Variants in PIGB observed in about 807,000 individuals in gnomAD.
PIGB encodes GPI alpha-1,2-mannosyltransferase 3.
In PIGB, 58 loss-of-function variants were observed where a neutral mutation model predicts 68.4. That is an observed-to-expected ratio of 0.85 (90% CI 0.69 to 1.06). PIGB has a LOEUF of 1.06. PIGB is among the 50% of genes least tolerant of loss of function. PIGB has a pLI of 0.00. For synonymous variants in PIGB, 219 were observed against 220.5 expected, an observed-to-expected ratio of 0.99 and a Z score of 0.06; for missense variants, 634 against 655.8, an observed-to-expected ratio of 0.97 and a Z score of 0.36.
At chr15:55,327,684 T>C (rs1314588788) in intron 4 of PIGB, 49 bp downstream of exon 4, 2 of 1,084,584 alleles carry the variant, frequency 1.8e-6, no homozygotes, top group Non-Finnish European at 2.8e-6. Flanking sequence ...TTCGTTCCTA[T>C]GGGTATAAAG....
At chr15:55,341,234 G>T (rs1317969088) in intron 8 of PIGB, among the ~76,000 whole-genome samples, 1 of 152,132 alleles carries the variant, frequency 6.6e-6, no homozygotes, top group Non-Finnish European at 1.5e-5. Flanking sequence ...GATGGCATGT[G>T]CCTGTAGTCC....
intron 9 of PIGB, chr15:55,348,408 T>C (rs576808325): frequency 6.6e-6 from 1 of 152,464 alleles, no homozygotes; most frequent in South Asian, 2.1e-4. Context: ...TGCTGTAGTT[T>C]GGACGTTTGT....
intron 9 of PIGB, among the ~76,000 whole-genome samples, chr15:55,343,838 T>C (rs1216874406): frequency 6.6e-6 from 1 of 152,166 alleles, no homozygotes; most frequent in Non-Finnish European, 1.5e-5. Context: ...GTCAAAAAAC[T>C]CTAATTCCTA....
At chr15:55,323,980 C>T (rs1024948346) in intron 3 of PIGB, among the ~76,000 whole-genome samples, 3 of 152,284 alleles carry the variant, frequency 2.0e-5, no homozygotes, top group South Asian at 2.1e-4. Flanking sequence ...TGCCGCCTCC[C>T]GGGTTCAAGT....
intron 8 of PIGB, 84 bp from the exon 9 acceptor site, chr15:55,341,654 A>G (rs1162437263): frequency 8.8e-6 from 4 of 454,980 alleles, no homozygotes; most frequent in Admixed American, 4.3e-5. Flanking sequence ...AGTTAAATAT[A>G]TTTTATATTA....
rs576816826 is a variant in PIGB, at chr15:55,332,004, GTCTC to G, written c.654-1857_654-1854del. Among the ~76,000 whole-genome samples the G allele has an allele frequency of 1.9e-4, 28 of 151,250 alleles. No individual in the cohort carries two copies. The South Asian group carries it at 2.7e-3, about 15-fold the overall frequency. ...TTTTATTTTTTTTTTTCGAGACAGT[GTCTC>G]TCTCTGTCGCCCAGGCTGGAGTACA... On this transcript the variant is annotated intron_variant, in intron 5 of 11. Coordinates refer to ENST00000164305, the MANE Select transcript of PIGB (RefSeq NM_004855.5).
At chr15:55,331,143 A>G (rs2055403831) in intron 5 of PIGB, among the ~76,000 whole-genome samples, 1 of 152,154 alleles carries the variant, frequency 6.6e-6, no homozygotes. Context: ...TGTTTTTGCT[A>G]GCAATTACCC....
Position 55,336,018 on chromosome 15 carries a change from CTCAAAG to C in PIGB, c.794+2020_794+2025del, listed in dbSNP as rs200775730. Among the ~76,000 whole-genome samples, 1,193 of 137,836 alleles carry C rather than the reference CTCAAAG, an allele frequency of 8.7e-3. 11 individuals carry two copies. The highest frequency in any genetic ancestry group is 0.034 in the African/African-American group (1,127 of 33,392). The allele number at this position is 137,836 out of a possible 152,430, so 90.4% of individuals were successfully genotyped here. On this transcript the variant is annotated intron_variant, in intron 6 of 11. Coordinates refer to ENST00000164305, the MANE Select transcript of PIGB (RefSeq NM_004855.5). ...AAGTGAGTAAGATACAGTGTCTGCTCTCAAAGTCAAAGTCTGTGGGGGAAAAAGATA... is the reference window on the plus strand; with the variant it reads ...AAGTGAGTAAGATACAGTGTCTGCTCTCAAAGTCTGTGGGGGAAAAAGATA...
At chr15:55,322,538 C>T (rs8026689) in intron 3 of PIGB, among the ~76,000 whole-genome samples, 74,124 of 151,868 alleles carry the variant, frequency 0.49, 21,439 homozygotes, top group African/African-American at 0.79. Flanking sequence ...GTTTGTGCTC[C>T]CCCCGATTTC....
At chr15:55,339,380 C>T in intron 7 of PIGB, 62 bp downstream of exon 7, 1 of 1,060,438 alleles carries the variant, frequency 9.4e-7, no homozygotes, top group Non-Finnish European at 1.4e-6. Flanking sequence ...TACTTTAGAA[C>T]AGAGGCAAAT....
intron 9 of PIGB, among the ~76,000 whole-genome samples, chr15:55,345,526 AG>A (rs1233957162): frequency 6.6e-6 from 1 of 152,180 alleles, no homozygotes; most frequent in East Asian, 1.9e-4. Context: ...TGGGAGGCTG[AG>A]GTGGGTGGAT....
intron 10 of PIGB, chr15:55,351,889 A>C (rs2055932130): frequency 1.3e-5 from 2 of 150,718 alleles, no homozygotes; most frequent in Non-Finnish European, 2.9e-5. Context: ...AAAAAAAAAA[A>C]AAAACATGGA....
At chr15:55,346,140 G>A (rs2055789194) in intron 9 of PIGB, among the ~76,000 whole-genome samples, 2 of 152,150 alleles carry the variant, frequency 1.3e-5, no homozygotes, top group Admixed American at 6.5e-5. Context: ...AATACAGAAT[G>A]CCACGCTAGA....
At chr15:55,332,024 C>CT (rs530766931) in intron 5 of PIGB, among the ~76,000 whole-genome samples, 449 of 151,994 alleles carry the variant, frequency 3.0e-3, no homozygotes, top group African/African-American at 0.01. Flanking sequence ...GTCGCCCAGG[C>CT]TGGAGTACAG....
chr15:55,337,889 C>A (rs2055573402), intron 6 of PIGB, among the ~76,000 whole-genome samples: 1 of 152,098 alleles, frequency 6.6e-6, no homozygotes, highest in African/African-American at 2.4e-5. Flanking sequence ...CTCACAAGCA[C>A]AATGACTAAA....
intron 1 of PIGB, 186 bp downstream of exon 1, chr15:55,319,599 A>G: frequency 1.9e-6 from 1 of 535,748 alleles, no homozygotes; most frequent in Non-Finnish European, 3.2e-6. Context: ...AACTAAATTC[A>G]ATTTTTTAAA....
chr15:55,353,212 T>C (rs1393872992), intron 10 of PIGB, among the ~76,000 whole-genome samples: 1 of 152,224 alleles, frequency 6.6e-6, no homozygotes, highest in Non-Finnish European at 1.5e-5. Flanking sequence ...GAGGAAAGTC[T>C]GATGCCTATT....
rs2055608400 is a variant in PIGB, at chr15:55,339,265, A to G, written c.795-2A>G. ...AATCACTATGCTATTTTTGTTTTTCAGCTTTGTTACTTTGAGTTTGTCTCT... is the reference window on the plus strand; with the variant it reads ...AATCACTATGCTATTTTTGTTTTTCGGCTTTGTTACTTTGAGTTTGTCTCT... On this transcript the variant is annotated splice_acceptor_variant, in intron 6 of 11. Coordinates refer to ENST00000164305, the MANE Select transcript of PIGB (RefSeq NM_004855.5). LOFTEE classifies it high-confidence loss of function. 1.2e-5 allele frequency: 19 copies of G among 1,550,322 alleles called. No homozygotes were observed. The highest frequency in any genetic ancestry group is 1.6e-5 in the Non-Finnish European group (18 of 1,146,150).
At chr15:55,336,482 G>A (rs548566001) in intron 6 of PIGB, among the ~76,000 whole-genome samples, 23 of 152,240 alleles carry the variant, frequency 1.5e-4, no homozygotes, top group African/African-American at 5.3e-4. Context: ...TACCATAAAC[G>A]TGCTCAGAAC....
Sources: gnomAD v4.1 joint callset for allele counts (sites outside exome capture counted in the v4.1 genomes callset) on GRCh38, gnomAD v4.1.1 for gene constraint, MANE v1.5 for transcripts, NCBI Gene and HGNC (gene_info 2026-07-23, HGNC 2026-07-21) for gene names.